Variants in DYDC1 observed in about 807,000 individuals in gnomAD.
The protein encoded by DYDC1 is DPY30 domain containing 1, also known as DPY30 domain-containing protein 1.
A neutral mutation model predicts 27.9 loss-of-function variants in DYDC1; 21 were observed. That is an observed-to-expected ratio of 0.75 (90% CI 0.53 to 1.08). The LOEUF is 1.08. Ranked by LOEUF, DYDC1 falls within the 50% of genes least tolerant of loss-of-function variation. The pLI, the probability that DYDC1 is intolerant of heterozygous loss-of-function variation, is 0.00. For synonymous variants in DYDC1, 67 were observed against 65.8 expected (o/e 1.02, Z -0.09); for missense variants, 202 against 205.9 (o/e 0.98, Z 0.12).
intron 3 of DYDC1, 86 bp downstream of exon 3, chr10:80,351,815 G>T (rs1474138143): frequency 2.6e-6 from 3 of 1,173,946 alleles, no homozygotes; most frequent in Admixed American, 4.3e-5. Flanking sequence ...AACTGGAGCT[G>T]GGAAGTTTAT....
intron 3 of DYDC1, among the ~76,000 whole-genome samples, chr10:80,345,008 C>G (rs1010138859): frequency 1.3e-5 from 2 of 152,030 alleles, no homozygotes; most frequent in African/African-American, 4.8e-5. Flanking sequence ...GATAAAAATA[C>G]ATGTGGAATA....
chr10:80,342,391 G>C (rs762813693), intron 3 of DYDC1, 30 bp from the exon 4 acceptor site: 22 of 1,603,896 alleles, frequency 1.4e-5, no homozygotes, highest in Non-Finnish European at 1.9e-5. Context: ...TCATATTACA[G>C]TTAGATTAAT....
At chr10:80,340,308 C>T (rs1442141881) in intron 4 of DYDC1, among the ~76,000 whole-genome samples, 2 of 152,168 alleles carry the variant, frequency 1.3e-5, no homozygotes, top group Non-Finnish European at 2.9e-5. Flanking sequence ...GTTTACATTG[C>T]GAGTCTGCAG....
chr10:80,351,807 C>G, intron 3 of DYDC1, 94 bp downstream of exon 3: 1 of 1,093,590 alleles, frequency 9.1e-7, no homozygotes, highest in South Asian at 1.5e-5. Context: ...ATCTAAATAA[C>G]TGGAGCTGGG....
chr10:80,336,575 T>C (rs578021613), intron 6 of DYDC1, among the ~76,000 whole-genome samples: 2 of 152,364 alleles, frequency 1.3e-5, no homozygotes, highest in Admixed American at 1.3e-4. Flanking sequence ...GCTGAATTTA[T>C]ATCTCCGGCC....
intron 6 of DYDC1, chr10:80,337,427 C>T (rs1234909341): frequency 3.6e-5 from 35 of 985,320 alleles, no homozygotes; most frequent in African/African-American, 7.0e-5. Flanking sequence ...TTCAGGCCAT[C>T]GACATCTTGT....
chr10:80,342,532 T>G (rs1842369491), intron 3 of DYDC1, among the ~76,000 whole-genome samples, 171 bp from the exon 4 acceptor site: 2 of 152,400 alleles, frequency 1.3e-5, no homozygotes, highest in South Asian at 4.1e-4. Context: ...TTAATCTTCC[T>G]TAATTGCAAA....
intron 3 of DYDC1, among the ~76,000 whole-genome samples, chr10:80,350,412 A>G (rs958743306): frequency 1.3e-5 from 2 of 152,154 alleles, no homozygotes; most frequent in Non-Finnish European, 2.9e-5. Flanking sequence ...CAGCTATAGG[A>G]GCTGTAAGAG....
chr10:80,346,550 T>G (rs1292266562), intron 3 of DYDC1, among the ~76,000 whole-genome samples: 1 of 143,192 alleles, frequency 7.0e-6, no homozygotes, highest in Non-Finnish European at 1.5e-5. Context: ...AAGCTCTACC[T>G]CCTGGGTTCA....
chr10:80,350,086 T>C (rs1179432601), intron 3 of DYDC1, among the ~76,000 whole-genome samples: 1 of 152,148 alleles, frequency 6.6e-6, no homozygotes, highest in Non-Finnish European at 1.5e-5. Flanking sequence ...CAAGCCTTTC[T>C]CTGTTGATCG....
chr10:80,352,683 G>A, intron 1 of DYDC1, 73 bp from the exon 2 acceptor site: 5 of 1,484,796 alleles, frequency 3.4e-6, no homozygotes, highest in Non-Finnish European at 4.5e-6. Context: ...AGTCCAGTGA[G>A]GTGAACAAAG....
intron 1 of DYDC1, chr10:80,356,502 C>A: frequency 1.0e-6 from 1 of 985,422 alleles, no homozygotes; most frequent in Non-Finnish European, 1.2e-6. Context: ...TCCCGCAGCC[C>A]GCAGGAGACG....
chr10:80,352,310 C>A, intron 2 of DYDC1, 145 bp downstream of exon 2: 2 of 1,217,614 alleles, frequency 1.6e-6, no homozygotes, highest in Non-Finnish European at 2.2e-6. Flanking sequence ...ATGTTTTCTC[C>A]TTCCTGCTTT....
chr10:80,348,915 G>A (rs1393858096), intron 3 of DYDC1, among the ~76,000 whole-genome samples: 1 of 151,152 alleles, frequency 6.6e-6, no homozygotes, highest in African/African-American at 2.4e-5. Context: ...TTTTTGAGGC[G>A]GAGTCTCGCT....
chr10:80,354,507 G>C (rs966241053), intron 1 of DYDC1: 2 of 125,972 alleles, frequency 1.6e-5, no homozygotes. Context: ...AAAAAAAAAA[G>C]AATACCTATT....
At chr10:80,338,596 C>G in intron 5 of DYDC1, 25 bp from the exon 6 acceptor site, 2 of 1,513,798 alleles carry the variant, frequency 1.3e-6, no homozygotes, top group Non-Finnish European at 1.8e-6. Flanking sequence ...TTGATTTTTA[C>G]TTTTAAATGA....
chr10:80,353,045 G>T (rs952062202), intron 1 of DYDC1, among the ~76,000 whole-genome samples: 3 of 151,782 alleles, frequency 2.0e-5, no homozygotes, highest in African/African-American at 4.8e-5. Flanking sequence ...GACAGGGTTT[G>T]TACCCACCTC....
At chr10:80,346,607 C>G (rs1842655214) in intron 3 of DYDC1, among the ~76,000 whole-genome samples, 1 of 151,656 alleles carries the variant, frequency 6.6e-6, no homozygotes, top group Non-Finnish European at 1.5e-5. Flanking sequence ...ACTACAGGCG[C>G]CCGCCACCAC....
At chr10:80,338,390 C>T (rs17678338) in intron 6 of DYDC1, 77 bp downstream of exon 6, 196,971 of 1,567,960 alleles carry the variant, frequency 0.13, 14,402 homozygotes, top group South Asian at 0.27. Context: ...CCTCATTTTC[C>T]CTAGGCTTTA....
Sources: allele counts gnomAD v4.1 joint callset (sites outside exome capture counted in the v4.1 genomes callset), GRCh38; gene constraint gnomAD v4.1.1; transcripts MANE v1.5; gene names NCBI Gene and HGNC (gene_info 2026-07-23, HGNC 2026-07-21).